SYT2: variants seen among roughly 807,000 people sequenced by gnomAD.
SYT2 encodes the protein synaptotagmin-2.
Under a neutral mutation model 39.9 loss-of-function variants are expected in SYT2, and 15 were observed. That is an observed-to-expected ratio of 0.38 (90% CI 0.25 to 0.58). SYT2 has a LOEUF of 0.58. Among genes scored for constraint, SYT2 ranks in the 20% least tolerant of loss-of-function variants. The probability of loss-of-function intolerance (pLI) is 0.70; values close to 1 mark genes in which losing one functional copy is unlikely to be tolerated. For missense variants in SYT2, 389 were observed against 530.3 expected (o/e 0.73, Z 2.62); for synonymous variants, 181 against 204.5 (o/e 0.89, Z 0.98).
chr1:202,599,068 G>A lies in SYT2; in HGVS notation c.1053+150C>T. 9.7e-7 allele frequency: 1 copy of A among 1,026,398 alleles called. No individual in the cohort carries two copies. Among genetic ancestry groups the A allele is most frequent in the Non-Finnish European group, 1.4e-6 (1 of 700,628 alleles). 63.6% of individuals were successfully genotyped at this position (1,026,398 alleles called of 1,614,324 possible). The stretch of plus-strand genomic sequence containing the variant: ...GATCCCTGAAGCACTTGGGAAGGAG[G>A]CCCCACCCAGGCACCATTAGACCTC... On this transcript the variant is annotated intron_variant, in intron 8 of 8. Coordinates refer to ENST00000367268, the MANE Select transcript of SYT2 (RefSeq NM_177402.5). The surrounding 1 kb of genome is among the most constrained non-coding windows in gnomAD (Gnocchi z 4.4).
intron 1 of SYT2, among the ~76,000 whole-genome samples, chr1:202,626,896 G>A (rs1416767801): frequency 6.6e-6 from 1 of 152,218 alleles, no homozygotes; most frequent in Non-Finnish European, 1.5e-5. Context: ...CTGTCTCACA[G>A]GGATGTTATG....
chr1:202,708,097 A>G (rs1173933686), intron 1 of SYT2, among the ~76,000 whole-genome samples: 2 of 152,212 alleles, frequency 1.3e-5, no homozygotes, highest in Non-Finnish European at 2.9e-5. Context: ...TCAGTCCTAA[A>G]TTGAAGCCAG....
chr1:202,677,262 T>C lies in SYT2; in HGVS notation c.-18+32996A>G, dbSNP rs189502331. On this transcript the variant is annotated intron_variant, in intron 1 of 8. Coordinates refer to ENST00000367268, the MANE Select transcript of SYT2 (RefSeq NM_177402.5). ...TCTCCCATCCCACATGTTCTTCTGA[T>C]AATGTGACTTTGATGTTGAGAGAGA... Among the ~76,000 whole-genome samples, 209 of 152,344 alleles carry C rather than the reference T, an allele frequency of 1.4e-3. 1 individual carries two copies. The highest frequency in any genetic ancestry group is 4.7e-3 in the African/African-American group (194 of 41,584).
chr1:202,625,670 C>G (rs552264881), intron 1 of SYT2, among the ~76,000 whole-genome samples: 3 of 152,266 alleles, frequency 2.0e-5, no homozygotes, highest in Non-Finnish European at 4.4e-5. Context: ...CAGGCCCACG[C>G]CCTCCGCACA....
intron 1 of SYT2, chr1:202,639,422 G>A (rs1691838176): frequency 2.4e-6 from 2 of 844,634 alleles, no homozygotes; most frequent in Non-Finnish European, 2.9e-6. Context: ...CTCCGTCGCT[G>A]GGCTTGGAGC....
At chr1:202,703,771 A>G (rs925131325) in intron 1 of SYT2, among the ~76,000 whole-genome samples, 2 of 151,972 alleles carry the variant, frequency 1.3e-5, no homozygotes, top group African/African-American at 4.8e-5. Flanking sequence ...AGCTCCTCCC[A>G]TCCCCTCCTT....
intron 1 of SYT2, among the ~76,000 whole-genome samples, chr1:202,692,666 T>C (rs1335351980): frequency 3.3e-5 from 5 of 152,112 alleles, no homozygotes; most frequent in African/African-American, 7.2e-5. Flanking sequence ...GTGGGGCCCG[T>C]AAAGAGGAGG....
At chr1:202,626,408 T>TTTTTTTTTG (rs1558437048) in intron 1 of SYT2, among the ~76,000 whole-genome samples, 3 of 139,814 alleles carry the variant, frequency 2.1e-5, no homozygotes, top group African/African-American at 8.0e-5. Flanking sequence ...CTTTTTTTTT[T>TTTTTTTTTG]TTTTTTTTTT....
intron 1 of SYT2, among the ~76,000 whole-genome samples, chr1:202,647,888 G>A (rs1290467128): frequency 6.6e-6 from 1 of 151,284 alleles, no homozygotes; most frequent in South Asian, 2.1e-4. Context: ...TGCTTGTATA[G>A]AGCCATAAGA....
intron 1 of SYT2, among the ~76,000 whole-genome samples, chr1:202,703,104 GAA>G (rs1297004945): frequency 6.6e-6 from 1 of 152,218 alleles, no homozygotes; most frequent in Non-Finnish European, 1.5e-5. Flanking sequence ...CAATGGTGAG[GAA>G]AAGAGATTTC....
intron 1 of SYT2, chr1:202,627,494 G>A: frequency 3.0e-6 from 3 of 985,320 alleles, no homozygotes; most frequent in Non-Finnish European, 3.6e-6. Context: ...CAGGGCCTGA[G>A]TGGTCATGGG....
Position 202,590,962 on chromosome 1 carries a change from A to C in SYT2, c.*5795T>G, listed in dbSNP as rs1265358837. 1 of 152,242 alleles carries C rather than the reference A, an allele frequency of 6.6e-6. No homozygotes were observed. 9.4% of individuals were successfully genotyped at this position (152,242 alleles called of 1,614,324 possible). On this transcript the variant is annotated 3_prime_UTR_variant, in exon 9 of 9. Coordinates refer to ENST00000367268, the MANE Select transcript of SYT2 (RefSeq NM_177402.5). ...CTGATCGCTAAGGCAGGTGGGATGG[A>C]GGAACTCCTGGTGCCCCATGCACAC...
intron 1 of SYT2, among the ~76,000 whole-genome samples, chr1:202,618,974 T>G (rs1224134496): frequency 6.6e-6 from 1 of 152,188 alleles, no homozygotes; most frequent in African/African-American, 2.4e-5. Context: ...GTGAAGCCAG[T>G]TGTCCAAGGT....
At chr1:202,703,913 T>C (rs898666279) in intron 1 of SYT2, among the ~76,000 whole-genome samples, 2 of 152,232 alleles carry the variant, frequency 1.3e-5, no homozygotes, top group Non-Finnish European at 1.5e-5. Context: ...AATTGCAATA[T>C]TTCCTAATTA....
At chr1:202,627,715 G>A (rs1369009174) in intron 1 of SYT2, 3 of 743,166 alleles carry the variant, frequency 4.0e-6, no homozygotes, top group African/African-American at 3.8e-5. Flanking sequence ...CCCCTAGCAT[G>A]TTTAATTGCT....
intron 1 of SYT2, among the ~76,000 whole-genome samples, chr1:202,609,284 G>A (rs931141018): frequency 6.6e-6 from 1 of 151,968 alleles, no homozygotes; most frequent in African/African-American, 2.4e-5. Flanking sequence ...ATCATTGTTG[G>A]ACATTTGGGT....
intron 1 of SYT2, among the ~76,000 whole-genome samples, chr1:202,621,754 G>C (rs1691208527): frequency 6.6e-6 from 1 of 152,292 alleles, no homozygotes; most frequent in South Asian, 2.1e-4. Context: ...CTCTCACCTT[G>C]CCTCTCTTCT....
At chr1:202,699,317 C>T (rs1324350093) in intron 1 of SYT2, among the ~76,000 whole-genome samples, 1 of 152,172 alleles carries the variant, frequency 6.6e-6, no homozygotes. Context: ...CCACTGCACC[C>T]AGCCTCCAGT....
intron 1 of SYT2, among the ~76,000 whole-genome samples, chr1:202,652,228 G>T (rs1029189626): frequency 2.0e-5 from 3 of 152,228 alleles, no homozygotes; most frequent in Non-Finnish European, 2.9e-5. Context: ...TTTGCCTTGG[G>T]TGAGTGGCAT....
Sources: allele counts gnomAD v4.1 joint callset (sites outside exome capture counted in the v4.1 genomes callset), GRCh38; gene constraint gnomAD v4.1.1; non-coding constraint Gnocchi (gnomAD v3.1); transcripts MANE v1.5; gene names NCBI Gene and HGNC (gene_info 2026-07-23, HGNC 2026-07-21).